Variants in AGAP1 observed in about 807,000 individuals in gnomAD.
The protein encoded by AGAP1 is ArfGAP with GTPase domain, ankyrin repeat and PH domain 1.
In AGAP1, 29 loss-of-function variants were observed where a neutral mutation model predicts 105.3. The ratio of observed to expected loss-of-function variants is 0.28; its 90% confidence interval spans 0.21 to 0.38. AGAP1 has a LOEUF of 0.38. AGAP1 is among the 10% of genes least tolerant of loss of function. The pLI, the probability that AGAP1 is intolerant of heterozygous loss-of-function variation, is 1.00. For synonymous variants in AGAP1, 509 were observed against 485.9 expected (o/e 1.05, Z -0.63); for missense variants, 998 against 1,165.1 (o/e 0.86, Z 2.09).
chr2:235,565,639 T>G (rs753682392), intron 1 of AGAP1, among the ~76,000 whole-genome samples: 7 of 152,206 alleles, frequency 4.6e-5, no homozygotes, highest in Non-Finnish European at 1.0e-4. Flanking sequence ...ACCAAAAGCT[T>G]CTCATGTCAT....
In AGAP1 at chr2:236,080,998, G is replaced by A. The variant is rs567859645; in HGVS notation, c.2114+31717G>A. On this transcript the variant is annotated intron_variant, in intron 16 of 17. Coordinates refer to ENST00000304032, the MANE Select transcript of AGAP1 (RefSeq NM_001037131.3). This position sits in a 1 kb window ranked among gnomAD's most constrained non-coding sequence, Gnocchi z 4.2. The stretch of plus-strand genomic sequence containing the variant: ...TAAGGTCACATAGTCACAGGTCCTG[G>A]GGATTAGGACGTTGACATCTTTGGG... 1.3e-5 allele frequency among the ~76,000 whole-genome samples: 2 copies of A among 152,238 alleles called. No individual in the cohort carries two copies. The highest frequency in any genetic ancestry group is 3.9e-4 in the East Asian group (2 of 5,184).
intron 1 of AGAP1, among the ~76,000 whole-genome samples, chr2:235,707,296 C>T (rs1462557017): frequency 4.6e-5 from 7 of 152,022 alleles, no homozygotes; most frequent in African/African-American, 1.2e-4. Context: ...TGTTGTGCCC[C>T]GAAAGTCTCT....
Position 235,777,362 on chromosome 2 carries a change from A to G in AGAP1, c.674-20397A>G, listed in dbSNP as rs1250001716. Among the ~76,000 whole-genome samples, 1 of 152,162 alleles carries G rather than the reference A, an allele frequency of 6.6e-6. No homozygotes were observed. Among genetic ancestry groups the G allele is most frequent in the Non-Finnish European group, 1.5e-5 (1 of 68,008 alleles). ...GAGACTCTGTCTCAAAAAAAAAGAC[A>G]AAAGTGATTTCCTGAGCTGCTCCGA... is the stretch of plus-strand genomic sequence containing the variant. On this transcript the variant is annotated intron_variant, in intron 6 of 17. Transcript: ENST00000304032. This position sits in a 1 kb window ranked among gnomAD's most constrained non-coding sequence, Gnocchi z 5.1.
Position 235,737,761 on chromosome 2 carries a change from G to T in AGAP1, c.311-3202G>T, listed in dbSNP as rs918495530. On this transcript the variant is annotated intron_variant, in intron 3 of 17. Transcript: ENST00000304032. The surrounding 1 kb of genome is among the most constrained non-coding windows in gnomAD (Gnocchi z 4.5). ...CAAGTTCCCACTCCTGGAGAGGTAG[G>T]CAGCGAGGGACACTGGCGTTGCAGG... Among the ~76,000 whole-genome samples, 17 of 152,090 alleles carry T rather than the reference G, an allele frequency of 1.1e-4. No individual in the cohort carries two copies. Among genetic ancestry groups the T allele is most frequent in the Admixed American group, 1.1e-3 (17 of 15,268 alleles).
chr2:236,016,611 A>G (rs1278239960), intron 13 of AGAP1, among the ~76,000 whole-genome samples: 1 of 152,148 alleles, frequency 6.6e-6, no homozygotes, highest in Non-Finnish European at 1.5e-5. Flanking sequence ...CAGTAGAACC[A>G]GGAGTGAGGA....
chr2:235,711,070 G>A (rs1443129687), intron 2 of AGAP1, among the ~76,000 whole-genome samples: 1 of 152,170 alleles, frequency 6.6e-6, no homozygotes, highest in East Asian at 1.9e-4. Flanking sequence ...TGGAGCTGGT[G>A]CTTCCACCAC....
chr2:235,882,745 G>A lies in AGAP1; in HGVS notation c.1051-600G>A, dbSNP rs917572566. Among the ~76,000 whole-genome samples the A allele has an allele frequency of 6.6e-6, 1 of 152,148 alleles. No homozygotes were observed. Among genetic ancestry groups the A allele is most frequent in the African/African-American group, 2.4e-5 (1 of 41,440 alleles). ...CCACCTCGGCCTCCCAAAGTTCTGG[G>A]ATTACAGGCGTGAGCCACCGTGCCC... On this transcript the variant is annotated intron_variant, in intron 9 of 17. Transcript: ENST00000304032. The surrounding 1 kb of genome is among the most constrained non-coding windows in gnomAD (Gnocchi z 4.6).
chr2:235,693,411 C>T (rs1431369062), intron 1 of AGAP1, among the ~76,000 whole-genome samples: 2 of 152,174 alleles, frequency 1.3e-5, no homozygotes, highest in Admixed American at 6.5e-5. Context: ...ACTCACTTCT[C>T]TGCCCAAGTG....
chr2:235,903,205 G>A (rs895504344), intron 10 of AGAP1, among the ~76,000 whole-genome samples: 1 of 152,086 alleles, frequency 6.6e-6, no homozygotes. Context: ...TGGAGAAAAC[G>A]AATTGGAACA....
intron 6 of AGAP1, among the ~76,000 whole-genome samples, chr2:235,764,485 C>T (rs534249580): frequency 6.6e-6 from 1 of 152,180 alleles, no homozygotes; most frequent in African/African-American, 2.4e-5. Flanking sequence ...CTTTGGTGAT[C>T]GTAAAAATCT....
chr2:235,620,368 G>A lies in AGAP1; in HGVS notation c.164-88811G>A, dbSNP rs1343966993. On this transcript the variant is annotated intron_variant, in intron 1 of 17. Transcript: ENST00000304032. This position sits in a 1 kb window ranked among gnomAD's most constrained non-coding sequence, Gnocchi z 4.5. ...CAGCCAGGGGCATCCCTGAGAAGCC[G>A]GGTCAGAGTGTGATGCCCTCTGCCA... Among the ~76,000 whole-genome samples the A allele has an allele frequency of 2.6e-5, 4 of 152,098 alleles. No homozygotes were observed. The highest frequency in any genetic ancestry group is 7.2e-5 in the African/African-American group (3 of 41,428).
chr2:235,856,257 A>G (rs1434361447), intron 9 of AGAP1, among the ~76,000 whole-genome samples: 1 of 152,222 alleles, frequency 6.6e-6, no homozygotes, highest in East Asian at 1.9e-4. Context: ...CACTGAAGCT[A>G]TAGCTTCCTC....
rs1311826996 is a variant in AGAP1 at position 235,690,752 on chromosome 2, T to A, written c.164-18427T>A. 6.6e-6 allele frequency among the ~76,000 whole-genome samples: 1 copy of A among 152,212 alleles called. No homozygotes were observed. The highest frequency in any genetic ancestry group is 1.5e-5 in the Non-Finnish European group (1 of 68,030). ...GTCTGCTTGGGGCAGGTATACTGAC[T>A]TTTTGTTGCTTTTACGGTTATCTTC... On this transcript the variant is annotated intron_variant, in intron 1 of 17. Coordinates refer to ENST00000304032, the MANE Select transcript of AGAP1 (RefSeq NM_001037131.3). This position sits in a 1 kb window ranked among gnomAD's most constrained non-coding sequence, Gnocchi z 4.1.
Position 235,843,896 on chromosome 2 carries a change from G to T in AGAP1, c.1050+36565G>T, listed in dbSNP as rs1426667309. The stretch of plus-strand genomic sequence containing the variant: ...CAGGCAGCCTCCTGGGCCGCCAGTG[G>T]TGTGGAGCTGGCCGAGAAAGGAGCC... On this transcript the variant is annotated intron_variant, in intron 9 of 17. Coordinates refer to ENST00000304032, the MANE Select transcript of AGAP1 (RefSeq NM_001037131.3). This position sits in a 1 kb window ranked among gnomAD's most constrained non-coding sequence, Gnocchi z 5.9. 6.6e-6 allele frequency among the ~76,000 whole-genome samples: 1 copy of T among 152,208 alleles called. No homozygotes were observed. The highest frequency in any genetic ancestry group is 6.5e-5 in the Admixed American group (1 of 15,284).
intron 9 of AGAP1, among the ~76,000 whole-genome samples, chr2:235,831,314 C>T (rs766100496): frequency 1.3e-5 from 2 of 152,204 alleles, no homozygotes; most frequent in East Asian, 3.8e-4. Context: ...TGAGCCTGCA[C>T]TGACAGCACT....
rs1280508454 is a variant in AGAP1 at position 235,610,548 on chromosome 2, G to A, written c.164-98631G>A. Among the ~76,000 whole-genome samples, 1 of 151,986 alleles carries A rather than the reference G, an allele frequency of 6.6e-6. No individual in the cohort carries two copies. The highest frequency in any genetic ancestry group is 1.5e-5 in the Non-Finnish European group (1 of 68,004). ...TAAGGGTGCTAATTCCATCATGAGGGCCCCATCCTTATGACCTTGTCCAAC... is the reference window on the plus strand; with the variant it reads ...TAAGGGTGCTAATTCCATCATGAGGACCCCATCCTTATGACCTTGTCCAAC... On this transcript the variant is annotated intron_variant, in intron 1 of 17. Transcript: ENST00000304032. The surrounding 1 kb of genome is among the most constrained non-coding windows in gnomAD (Gnocchi z 4.9).
At position 235,940,468 on chromosome 2, in the gene AGAP1, G is replaced by A. The variant is rs542047013; in HGVS notation, c.1483+9545G>A. On this transcript the variant is annotated intron_variant, in intron 12 of 17. Coordinates refer to ENST00000304032, the MANE Select transcript of AGAP1 (RefSeq NM_001037131.3). ...CTGGTCTGACCCCTGTTTTTTGACC[G>A]CCTCTCCATGGCTCCAGCCGGCGGC... Among the ~76,000 whole-genome samples the A allele has an allele frequency of 7.9e-5, 12 of 152,256 alleles. No homozygotes were observed. In the East Asian group the frequency reaches 9.7e-4, roughly 12 times the overall value.
chr2:235,585,837 A>G (rs1345669159), intron 1 of AGAP1, among the ~76,000 whole-genome samples: 1 of 152,084 alleles, frequency 6.6e-6, no homozygotes, highest in Non-Finnish European at 1.5e-5. Flanking sequence ...TTTTGCGCGG[A>G]CCCGAAATGA....
intron 16 of AGAP1, among the ~76,000 whole-genome samples, chr2:236,054,780 T>C (rs2058006026): frequency 1.3e-5 from 2 of 152,174 alleles, no homozygotes; most frequent in African/African-American, 4.8e-5. Flanking sequence ...AGCTCCTGCC[T>C]TTGGAAGCGG....
Sources: allele counts gnomAD v4.1 joint callset (sites outside exome capture counted in the v4.1 genomes callset), GRCh38; gene constraint gnomAD v4.1.1; non-coding constraint Gnocchi (gnomAD v3.1); transcripts MANE v1.5; gene names NCBI Gene and HGNC (gene_info 2026-07-23, HGNC 2026-07-21).